DENND1A: variants seen among roughly 807,000 people sequenced by gnomAD.
The protein encoded by DENND1A is DENN domain containing 1A.
A neutral mutation model predicts 113.7 loss-of-function variants in DENND1A; 51 were observed. That is an observed-to-expected ratio of 0.45 (90% CI 0.36 to 0.57). The LOEUF is 0.57. DENND1A is among the 20% of genes least tolerant of loss of function. DENND1A has a pLI of 0.00. For missense variants in DENND1A, 1,258 were observed against 1,395.9 expected (o/e 0.90, Z 1.57); for synonymous variants, 565 against 570.8 (o/e 0.99, Z 0.14).
At chr9:123,449,586 G>A (rs531698593) in intron 18 of DENND1A, among the ~76,000 whole-genome samples, 9 of 151,556 alleles carry the variant, frequency 5.9e-5, no homozygotes, top group African/African-American at 1.9e-4. Flanking sequence ...TATGATGATG[G>A]CATTCATAAT....
chr9:123,864,471 C>T (rs1334806438), intron 2 of DENND1A, among the ~76,000 whole-genome samples: 1 of 152,168 alleles, frequency 6.6e-6, no homozygotes, highest in Non-Finnish European at 1.5e-5. Flanking sequence ...CAGGCTGACG[C>T]CGAGGCCCGG....
At chr9:123,727,910 T>A (rs539415680) in intron 5 of DENND1A, among the ~76,000 whole-genome samples, 1 of 151,420 alleles carries the variant, frequency 6.6e-6, no homozygotes, top group East Asian at 2.0e-4. Flanking sequence ...ATCGAGACCA[T>A]CCTGGCTAAC....
chr9:123,765,322 G>C (rs1237998729), intron 4 of DENND1A, among the ~76,000 whole-genome samples: 1 of 152,126 alleles, frequency 6.6e-6, no homozygotes, highest in Non-Finnish European at 1.5e-5. Flanking sequence ...GCCTATCTGA[G>C]CCTCTGTTTC....
At chr9:123,776,909 G>C (rs1830556283) in intron 3 of DENND1A, among the ~76,000 whole-genome samples, 1 of 152,220 alleles carries the variant, frequency 6.6e-6, no homozygotes, top group African/African-American at 2.4e-5. Flanking sequence ...TCAGAAGGAA[G>C]ATTATAGGAT....
chr9:123,765,944 T>G (rs540175651), intron 4 of DENND1A, among the ~76,000 whole-genome samples: 4 of 152,316 alleles, frequency 2.6e-5, no homozygotes, highest in African/African-American at 7.2e-5. Flanking sequence ...GCAAGTCATT[T>G]CACCTCTGTG....
intron 12 of DENND1A, among the ~76,000 whole-genome samples, chr9:123,579,207 A>G (rs1252961105): frequency 1.3e-5 from 2 of 152,190 alleles, no homozygotes; most frequent in East Asian, 3.8e-4. Flanking sequence ...TATTATATAT[A>G]TTACATTTAA....
intron 11 of DENND1A, among the ~76,000 whole-genome samples, chr9:123,603,650 A>G (rs1433533203): frequency 6.6e-6 from 1 of 152,076 alleles, no homozygotes; most frequent in African/African-American, 2.4e-5. Context: ...CCTGGGTCTC[A>G]CTCCCCCTGC....
chr9:123,454,753 G>C lies in DENND1A; in HGVS notation c.1213C>G (p.Leu405Val), dbSNP rs1185390868. 1 of 1,554,926 alleles carries C rather than the reference G, an allele frequency of 6.4e-7. No individual in the cohort carries two copies. Among genetic ancestry groups the C allele is most frequent in the East Asian group, 2.4e-5 (1 of 41,186 alleles). The part of the protein sequence containing the change: ...AGSDKLYHQW[L>V]STVRKGSGAI... ...TGCATGCTTACCCGGACAGTGGAGAGCCACTGATGGTACAGTTTGTCACTG... is the reference window on the plus strand; with the variant it reads ...TGCATGCTTACCCGGACAGTGGAGACCCACTGATGGTACAGTTTGTCACTG... Residue 405 changes from leucine to valine, a missense_variant, in exon 16 of 24, where the codon CTC becomes GTC. This residue lies in a region of DENND1A where 1,159 missense variants were observed against 1,231.7 expected (regional missense o/e 0.94). Transcript: ENST00000394215.
intron 11 of DENND1A, 126 bp downstream of exon 11, chr9:123,609,310 G>T: frequency 9.9e-7 from 1 of 1,007,650 alleles, no homozygotes; most frequent in Non-Finnish European, 1.5e-6. Context: ...TCTGTACGCT[G>T]GGAGGTGCTG....
chr9:123,915,027 C>T (rs142515913), intron 1 of DENND1A, among the ~76,000 whole-genome samples: 1,985 of 152,140 alleles, frequency 0.013, 43 homozygotes, highest in Non-Finnish European at 0.016. Context: ...AGGCCAAGGC[C>T]CCCACAAAGG....
intron 2 of DENND1A, among the ~76,000 whole-genome samples, chr9:123,838,789 A>AT (rs1397103860): frequency 2.0e-5 from 3 of 152,206 alleles, no homozygotes; most frequent in Non-Finnish European, 4.4e-5. Flanking sequence ...GGAAAACCTC[A>AT]TTCTGAAAGA....
intron 5 of DENND1A, among the ~76,000 whole-genome samples, chr9:123,704,748 GA>G (rs35537174): frequency 1.3e-5 from 2 of 151,688 alleles, no homozygotes; most frequent in Non-Finnish European, 2.9e-5. Context: ...CAATGGTGGG[GA>G]AAAAAAGACT....
At chr9:123,581,016 C>T (rs1475385876) in intron 12 of DENND1A, among the ~76,000 whole-genome samples, 1 of 152,048 alleles carries the variant, frequency 6.6e-6, no homozygotes, top group African/African-American at 2.4e-5. Context: ...TTCCAAAGGG[C>T]TACAACACTA....
chr9:123,457,859 G>T lies in DENND1A; in HGVS notation c.1032C>A (p.Ser344=). 6.2e-7 allele frequency: 1 copy of T among 1,612,618 alleles called. No homozygotes were observed. The highest frequency in any genetic ancestry group is 1.3e-5 in the African/African-American group (1 of 74,988). The change falls in exon 14 of 24, where the codon TCC becomes TCA. Residue 344 remains serine, a synonymous_variant. Transcript: ENST00000394215. ...PITFCEEAFV[S]HYRSGAMRQF... is the part of the protein sequence containing the mutation. Reference sequence around the variant, plus strand: ...GCCTCATGGCTCCGGAGCGGTAGTGGGACACGAAGGCTTCCTCACAGAAAG... The same window carrying T: ...GCCTCATGGCTCCGGAGCGGTAGTGTGACACGAAGGCTTCCTCACAGAAAG...
rs182707686 is a variant in DENND1A at position 123,586,726 on chromosome 9, G to A, written c.766-3456C>T. 1.2e-4 allele frequency among the ~76,000 whole-genome samples: 19 copies of A among 152,274 alleles called. No homozygotes were observed. In the East Asian group the frequency reaches 3.7e-3, roughly 29 times the overall value. Reference sequence around the variant, plus strand: ...CCCCCAAAGGATCAAGGCAACTAGGGGAATGAAGAAAGGCAAGAAAAACTC... The same window carrying A: ...CCCCCAAAGGATCAAGGCAACTAGGAGAATGAAGAAAGGCAAGAAAAACTC... On this transcript the variant is annotated intron_variant, in intron 11 of 23. Coordinates refer to ENST00000394215, the MANE Select transcript of DENND1A (RefSeq NM_001352964.2).
At chr9:123,888,922 G>A (rs1226542946) in intron 1 of DENND1A, among the ~76,000 whole-genome samples, 2 of 150,858 alleles carry the variant, frequency 1.3e-5, no homozygotes, top group Non-Finnish European at 2.9e-5. Context: ...ACATTCAAGG[G>A]TGATGATGCA....
At chr9:123,805,730 T>A (rs1276134608) in intron 2 of DENND1A, among the ~76,000 whole-genome samples, 1 of 151,882 alleles carries the variant, frequency 6.6e-6, no homozygotes, top group Non-Finnish European at 1.5e-5. Context: ...CACTGCACCA[T>A]CCTATATATT....
At chr9:123,850,800 ACT>A (rs879256246) in intron 2 of DENND1A, among the ~76,000 whole-genome samples, 1 of 152,230 alleles carries the variant, frequency 6.6e-6, no homozygotes, top group African/African-American at 2.4e-5. Flanking sequence ...TAAAATAAGC[ACT>A]ACTAAGTCAT....
intron 12 of DENND1A, among the ~76,000 whole-genome samples, chr9:123,560,632 A>G (rs1352199576): frequency 1.3e-5 from 2 of 151,266 alleles, no homozygotes; most frequent in South Asian, 2.1e-4. Context: ...TGAGGTTGCA[A>G]TGAGCTATGA....
Sources: allele counts gnomAD v4.1 joint callset (sites outside exome capture counted in the v4.1 genomes callset), GRCh38; gene constraint gnomAD v4.1.1; regional missense constraint gnomAD v4.1.1; transcripts MANE v1.5; gene names NCBI Gene and HGNC (gene_info 2026-07-23, HGNC 2026-07-21).